Variants in PCSK2 observed in about 807,000 individuals in gnomAD.
PCSK2 encodes neuroendocrine convertase 2.
In PCSK2, 14 loss-of-function variants were observed where a neutral mutation model predicts 69.7. That is an observed-to-expected ratio of 0.20 (90% CI 0.13 to 0.31). The LOEUF is 0.31. Among genes scored for constraint, PCSK2 ranks in the 10% least tolerant of loss-of-function variants. The pLI is 1.00. For synonymous variants in PCSK2, 307 were observed against 320.7 expected (o/e 0.96, Z 0.46); for missense variants, 544 against 842.5 (o/e 0.65, Z 4.39).
At chr20:17,239,115 T>G (rs1986455928) in intron 1 of PCSK2, among the ~76,000 whole-genome samples, 1 of 152,340 alleles carries the variant, frequency 6.6e-6, no homozygotes, top group African/African-American at 2.4e-5. Context: ...CCTAAAATTT[T>G]GTGACTTAAT....
At chr20:17,401,017 T>C (rs1033393239) in intron 5 of PCSK2, among the ~76,000 whole-genome samples, 1 of 152,164 alleles carries the variant, frequency 6.6e-6, no homozygotes, top group African/African-American at 2.4e-5. Flanking sequence ...ATCTTTAGGG[T>C]AGAGTCTTAG....
chr20:17,278,651 C>T (rs1988186478), intron 2 of PCSK2, among the ~76,000 whole-genome samples: 1 of 152,070 alleles, frequency 6.6e-6, no homozygotes, highest in Non-Finnish European at 1.5e-5. Context: ...AGCACACCAA[C>T]ATGGCACATG....
intron 2 of PCSK2, among the ~76,000 whole-genome samples, chr20:17,336,230 G>A (rs1318248574): frequency 1.3e-5 from 2 of 152,182 alleles, no homozygotes; most frequent in African/African-American, 4.8e-5. Context: ...AGGGAAACAG[G>A]TTGCTGCCTC....
At position 17,482,972 on chromosome 20, in the gene PCSK2, T is replaced by C. The variant is rs1388534751; in HGVS notation, c.*902T>C. ...TAGCTTTTCAAACAAGAATGTCCCT[T>C]TTCCTAAGTCACTTTGAGGTGTCTC... On this transcript the variant is annotated 3_prime_UTR_variant, in exon 12 of 12. Coordinates refer to ENST00000262545, the MANE Select transcript of PCSK2 (RefSeq NM_002594.5). 1 of 151,938 alleles carries C rather than the reference T, an allele frequency of 6.6e-6. No individual in the cohort carries two copies. Among genetic ancestry groups the C allele is most frequent in the East Asian group, 1.9e-4 (1 of 5,190 alleles). The allele number at this position is 151,938 out of a possible 1,614,324, so 9.4% of individuals were successfully genotyped here. A position where few individuals can be genotyped will look rare whatever the true frequency, so the allele number is the denominator to read the frequency against.
intron 2 of PCSK2, among the ~76,000 whole-genome samples, chr20:17,293,459 A>C (rs973762887): frequency 6.6e-6 from 1 of 152,218 alleles, no homozygotes; most frequent in African/African-American, 2.4e-5. Context: ...GGCTTCTAAC[A>C]AATTCCCATT....
chr20:17,226,554 A>T (rs1600389196), upstream of PCSK2, among the ~76,000 whole-genome samples: 1 of 140,712 alleles, frequency 7.1e-6, no homozygotes, highest in South Asian at 2.3e-4. Flanking sequence ...AGAGAGAGAG[A>T]GGTGTTTTTG....
intron 10 of PCSK2, among the ~76,000 whole-genome samples, chr20:17,456,728 G>A (rs1289136230): frequency 3.3e-5 from 5 of 152,228 alleles, no homozygotes; most frequent in Admixed American, 2.0e-4. Flanking sequence ...ACCCAGTGAA[G>A]GCACAGAGAT....
chr20:17,439,708 T>G (rs765574025), intron 8 of PCSK2, among the ~76,000 whole-genome samples: 2 of 152,228 alleles, frequency 1.3e-5, no homozygotes, highest in Non-Finnish European at 2.9e-5. Context: ...CAAGTTCACA[T>G]GTAACTTCCT....
chr20:17,383,321 G>A (rs1178776641), intron 5 of PCSK2, among the ~76,000 whole-genome samples: 1 of 152,110 alleles, frequency 6.6e-6, no homozygotes, highest in Non-Finnish European at 1.5e-5. Flanking sequence ...AAAAGCTGCA[G>A]GTCAGTGCCA....
chr20:17,247,055 T>G (rs1245596802), intron 1 of PCSK2, among the ~76,000 whole-genome samples: 1 of 152,168 alleles, frequency 6.6e-6, no homozygotes, highest in Non-Finnish European at 1.5e-5. Context: ...ATATCAGTAA[T>G]GTGCAAAACC....
intron 6 of PCSK2, among the ~76,000 whole-genome samples, chr20:17,420,291 T>G (rs528285950): frequency 2.0e-5 from 3 of 152,202 alleles, no homozygotes; most frequent in Non-Finnish European, 4.4e-5. Context: ...TAGATGAACA[T>G]CTTTCCCTTA....
chr20:17,320,056 G>A (rs901472176), intron 2 of PCSK2, among the ~76,000 whole-genome samples: 2 of 152,052 alleles, frequency 1.3e-5, no homozygotes, highest in Non-Finnish European at 2.9e-5. Context: ...AGCTCAGGTG[G>A]GCAGGTAAAC....
chr20:17,350,943 G>A (rs2029964241), intron 2 of PCSK2, among the ~76,000 whole-genome samples: 1 of 151,262 alleles, frequency 6.6e-6, no homozygotes, highest in African/African-American at 2.4e-5. Context: ...GGGAGGCTGA[G>A]GCAAGAGAAT....
chr20:17,419,323 T>C (rs2032072415), intron 6 of PCSK2, among the ~76,000 whole-genome samples: 1 of 152,242 alleles, frequency 6.6e-6, no homozygotes, highest in South Asian at 2.1e-4. Context: ...CTGTGAACCA[T>C]TTAATAATTA....
intron 2 of PCSK2, among the ~76,000 whole-genome samples, chr20:17,266,501 A>T (rs147166163): frequency 6.6e-6 from 1 of 152,236 alleles, no homozygotes; most frequent in African/African-American, 2.4e-5. Flanking sequence ...AATTTTAACC[A>T]TGCATAAGTT....
rs2033423039 is a variant in PCSK2 at position 17,482,342 on chromosome 20, G to GTAAA, written c.*272_*273insTAAA. The GTAAA allele has an allele frequency of 9.4e-6, 1 of 106,538 alleles. No homozygotes were observed. Among genetic ancestry groups the GTAAA allele is most frequent in the Non-Finnish European group, 1.9e-5 (1 of 54,018 alleles). 6.6% of individuals were successfully genotyped at this position (106,538 alleles called of 1,614,324 possible). Reference sequence around the variant, plus strand: ...CTGTCATTCAAATGGGTGATATCCTGAAAAAAAAAAAAAAAAAAAAACTGG... The same window carrying GTAAA: ...CTGTCATTCAAATGGGTGATATCCTGTAAAAAAAAAAAAAAAAAAAAAAAACTGG... On this transcript the variant is annotated 3_prime_UTR_variant, in exon 12 of 12. Transcript: ENST00000262545.
In PCSK2 at chr20:17,274,286, G is replaced by A. The variant is rs145941032; in HGVS notation, c.282+13942G>A. On this transcript the variant is annotated intron_variant, in intron 2 of 11. Transcript: ENST00000262545. ...ATTGAGAAAGGGTGGGATACACCCC[G>A]GGATGCTTCTGTTGTCCTAAAATGA... is the stretch of plus-strand genomic sequence containing the variant. 1.0e-3 allele frequency among the ~76,000 whole-genome samples: 152 copies of A among 152,224 alleles called. 1 individual carries two copies. The highest frequency in any genetic ancestry group is 2.0e-3 in the Admixed American group (31 of 15,282).
intron 2 of PCSK2, among the ~76,000 whole-genome samples, chr20:17,263,712 A>C (rs1987482440): frequency 6.6e-6 from 1 of 152,294 alleles, no homozygotes; most frequent in South Asian, 2.1e-4. Context: ...ATTACTTCCA[A>C]GTTTTATCAC....
At chr20:17,271,134 T>C (rs1987849552) in intron 2 of PCSK2, among the ~76,000 whole-genome samples, 1 of 152,152 alleles carries the variant, frequency 6.6e-6, no homozygotes, top group African/African-American at 2.4e-5. Context: ...AAACCAATGC[T>C]ATAAAGTGTT....
Sources: gnomAD v4.1 joint callset for allele counts (sites outside exome capture counted in the v4.1 genomes callset) on GRCh38, gnomAD v4.1.1 for gene constraint, MANE v1.5 for transcripts, NCBI Gene and HGNC (gene_info 2026-07-23, HGNC 2026-07-21) for gene names.